Variants in PLCB1 observed in about 807,000 individuals in gnomAD.
PLCB1 encodes the protein phospholipase C beta 1, also known as 1-phosphatidylinositol 4,5-bisphosphate phosphodiesterase beta-1.
A neutral mutation model predicts 161.8 loss-of-function variants in PLCB1; 46 were observed. That is an observed-to-expected ratio of 0.28 (90% CI 0.22 to 0.36). The LOEUF is 0.36. Among genes scored for constraint, PLCB1 ranks in the 10% least tolerant of loss-of-function variants. The pLI, the probability that PLCB1 is intolerant of heterozygous loss-of-function variation, is 1.00. For missense variants in PLCB1, 1,016 were observed against 1,472.5 expected (o/e 0.69, Z 5.07); for synonymous variants, 517 against 503.7 (o/e 1.03, Z -0.35).
At chr20:8,857,684 A>G (rs557857869) in intron 31 of PLCB1, among the ~76,000 whole-genome samples, 24 of 152,326 alleles carry the variant, frequency 1.6e-4, no homozygotes, top group South Asian at 1.2e-3. Flanking sequence ...TCAGCAATAT[A>G]TGAAAGACTG....
At chr20:8,174,653 A>AGT (rs199910529) in intron 2 of PLCB1, among the ~76,000 whole-genome samples, 2,411 of 152,322 alleles carry the variant, frequency 0.016, 52 homozygotes, top group African/African-American at 0.053. Flanking sequence ...GCTATTTAAA[A>AGT]GTAGGAGTCA....
intron 2 of PLCB1, among the ~76,000 whole-genome samples, chr20:8,187,531 T>C (rs571550160): frequency 3.2e-4 from 49 of 152,242 alleles, no homozygotes; most frequent in African/African-American, 1.2e-3. Flanking sequence ...CCACTATAGG[T>C]CCATCGTCTA....
rs1555783108 is a variant in PLCB1, at chr20:8,684,256, A to ATTTATTTG, written c.863-669_863-668insGTTTATTT. Among the ~76,000 whole-genome samples the ATTTATTTG allele has an allele frequency of 4.8e-3, 714 of 150,200 alleles. 4 individuals carry two copies. Among genetic ancestry groups the ATTTATTTG allele is most frequent in the African/African-American group, 0.017 (682 of 40,838 alleles). ...TATTTATTTATTTATTTATTTATTT[A>ATTTATTTG]TTTATTTATTTTTATTTTGAGAAGG... is the stretch of plus-strand genomic sequence containing the variant. On this transcript the variant is annotated intron_variant, in intron 9 of 31. Transcript: ENST00000338037.
intron 3 of PLCB1, among the ~76,000 whole-genome samples, chr20:8,605,609 T>C (rs556225156): frequency 6.8e-6 from 1 of 147,486 alleles, no homozygotes; most frequent in South Asian, 2.1e-4. Flanking sequence ...TTTGGTGTTT[T>C]CTTTTTTTTT....
chr20:8,692,683 G>A (rs1226744644), intron 10 of PLCB1, among the ~76,000 whole-genome samples: 1 of 152,126 alleles, frequency 6.6e-6, no homozygotes, highest in Non-Finnish European at 1.5e-5. Flanking sequence ...GGAAGACCCA[G>A]GTGGTTTCTG....
At chr20:8,433,442 A>G (rs1403147349) in intron 3 of PLCB1, among the ~76,000 whole-genome samples, 2 of 148,346 alleles carry the variant, frequency 1.3e-5, no homozygotes, top group African/African-American at 5.1e-5. Context: ...TGCTTTCTGA[A>G]GATCTTCCAT....
At chr20:8,717,503 TA>T (rs1000610756) in intron 13 of PLCB1, among the ~76,000 whole-genome samples, 167 bp from the exon 14 acceptor site, 34 of 151,664 alleles carry the variant, frequency 2.2e-4, no homozygotes, top group African/African-American at 5.8e-4. Flanking sequence ...ATCTTTGATA[TA>T]AAAAAAAATT....
chr20:8,391,793 A>ATATATATATATATATATATATGTGTGTG (rs1987603867), intron 3 of PLCB1, among the ~76,000 whole-genome samples: 1 of 75,160 alleles, frequency 1.3e-5, no homozygotes, highest in South Asian at 3.5e-4. Context: ...GTGTATATAT[A>ATATATATATATATATATATATGTGTGTG]TATATATATA....
intron 2 of PLCB1, among the ~76,000 whole-genome samples, chr20:8,363,981 T>A (rs542423962): frequency 2.6e-5 from 4 of 152,226 alleles, no homozygotes; most frequent in Non-Finnish European, 5.9e-5. Context: ...ACGATTATTA[T>A]TGCTGTTATT....
At chr20:8,304,860 T>A (rs1256145060) in intron 2 of PLCB1, among the ~76,000 whole-genome samples, 1 of 152,168 alleles carries the variant, frequency 6.6e-6, no homozygotes, top group Non-Finnish European at 1.5e-5. Flanking sequence ...CACCAGGATC[T>A]GAATCCACTA....
At chr20:8,178,651 G>T (rs1398647447) in intron 2 of PLCB1, among the ~76,000 whole-genome samples, 2 of 152,096 alleles carry the variant, frequency 1.3e-5, no homozygotes, top group African/African-American at 4.8e-5. Context: ...GATCCCATTT[G>T]TCAATTTTTG....
At chr20:8,291,986 G>C (rs529671563) in intron 2 of PLCB1, among the ~76,000 whole-genome samples, 1 of 152,226 alleles carries the variant, frequency 6.6e-6, no homozygotes, top group South Asian at 2.1e-4. Context: ...TGTTGCCCAG[G>C]CTCTGTTATA....
chr20:8,246,180 C>T lies in PLCB1; in HGVS notation c.177+95809C>T, dbSNP rs1980868201. 2.0e-5 allele frequency among the ~76,000 whole-genome samples: 3 copies of T among 151,744 alleles called. No individual in the cohort carries two copies. The South Asian group carries it at 6.2e-4, about 32-fold the overall frequency. ...CAGATAGCTATTTTTGTGCAAAAGCCATCCCAAAATGTAGTGATTTGAAAT... is the reference window on the plus strand; with the variant it reads ...CAGATAGCTATTTTTGTGCAAAAGCTATCCCAAAATGTAGTGATTTGAAAT... On this transcript the variant is annotated intron_variant, in intron 2 of 31. Transcript: ENST00000338037.
At chr20:8,382,102 T>G (rs549503855) in intron 3 of PLCB1, among the ~76,000 whole-genome samples, 1 of 152,080 alleles carries the variant, frequency 6.6e-6, no homozygotes, top group African/African-American at 2.4e-5. Flanking sequence ...TGCTATAAAG[T>G]TCCCTCTTAA....
chr20:8,649,824 A>G (rs1989261238), intron 7 of PLCB1: 1 of 181,894 alleles, frequency 5.5e-6, no homozygotes, highest in African/African-American at 2.3e-5. Context: ...AGTTTCAAGT[A>G]TTCTGCTATA....
At chr20:8,178,766 G>T (rs7268573) in intron 2 of PLCB1, among the ~76,000 whole-genome samples, 2,279 of 152,150 alleles carry the variant, frequency 0.015, 58 homozygotes, top group African/African-American at 0.051. Flanking sequence ...TACAGTTTTC[G>T]GTTTTACGTT....
intron 23 of PLCB1, among the ~76,000 whole-genome samples, chr20:8,746,066 G>C (rs1321209462): frequency 6.6e-6 from 1 of 152,040 alleles, no homozygotes; most frequent in East Asian, 1.9e-4. Flanking sequence ...CAAGTAGCCG[G>C]GACTACAGGC....
At chr20:8,581,843 G>A (rs951534274) in intron 3 of PLCB1, among the ~76,000 whole-genome samples, 1 of 152,200 alleles carries the variant, frequency 6.6e-6, no homozygotes, top group Non-Finnish European at 1.5e-5. Context: ...CTACCATTCA[G>A]TTGTATGGAA....
chr20:8,601,859 G>T (rs575618590), intron 3 of PLCB1, among the ~76,000 whole-genome samples: 5 of 152,294 alleles, frequency 3.3e-5, no homozygotes, highest in African/African-American at 1.2e-4. Flanking sequence ...GTGTTAACTG[G>T]TATGATCTCC....
Sources: gnomAD v4.1 joint callset for allele counts (sites outside exome capture counted in the v4.1 genomes callset) on GRCh38, gnomAD v4.1.1 for gene constraint, MANE v1.5 for transcripts, NCBI Gene and HGNC (gene_info 2026-07-23, HGNC 2026-07-21) for gene names.